Variants in PAH observed in about 807,000 individuals in gnomAD.
PAH encodes phenylalanine-4-hydroxylase.
A neutral mutation model predicts 62.0 loss-of-function variants in PAH; 64 were observed. The observed-to-expected ratio is 1.03, with a 90% confidence interval of 0.84 to 1.27. PAH has a LOEUF of 1.27. PAH is among the 50% of genes most tolerant of loss of function. PAH has a pLI of 0.00. For synonymous variants in PAH, 195 were observed against 196.2 expected (o/e 0.99, Z 0.05); for missense variants, 579 against 542.8 (o/e 1.07, Z -0.66).
In PAH at chr12:102,839,118, A is replaced by G; in HGVS notation, c.*57T>C. ...TTTCGGACTTTTTCTGATGAAAGAAATAGTTGGATCTCCATCAACAGATTC... is the reference window on the plus strand; with the variant it reads ...TTTCGGACTTTTTCTGATGAAAGAAGTAGTTGGATCTCCATCAACAGATTC... On this transcript the variant is annotated 3_prime_UTR_variant, in exon 13 of 13. Transcript: ENST00000553106. 2 of 1,517,106 alleles carry G rather than the reference A, an allele frequency of 1.3e-6. No individual in the cohort carries two copies. Among genetic ancestry groups the G allele is most frequent in the Non-Finnish European group, 1.8e-6 (2 of 1,092,100 alleles). 94.0% of individuals were successfully genotyped at this position (1,517,106 alleles called of 1,614,324 possible). A position where few individuals can be genotyped will look rare whatever the true frequency, so the allele number is the denominator to read the frequency against.
intron 9 of PAH, among the ~76,000 whole-genome samples, chr12:102,845,213 G>C (rs1358246205): frequency 6.6e-6 from 1 of 152,124 alleles, no homozygotes; most frequent in Non-Finnish European, 1.5e-5. Context: ...GTTGAGTGCT[G>C]GCTGAATGTA....
rs114192811 is a variant in PAH, at chr12:102,840,058, T to C, written c.1315+342A>G. 9.5e-3 allele frequency among the ~76,000 whole-genome samples: 1,450 copies of C among 152,132 alleles called. 19 individuals carry two copies. The highest frequency in any genetic ancestry group is 0.033 in the African/African-American group (1,355 of 41,478). On this transcript the variant is annotated intron_variant, in intron 12 of 12. Coordinates refer to ENST00000553106, the MANE Select transcript of PAH (RefSeq NM_000277.3). ...GCCACTGGACAGCTTATAAAGTGGA[T>C]AGAACCAGGCAGAGTGATAACAACT...
intron 1 of PAH, among the ~76,000 whole-genome samples, chr12:102,956,217 G>C (rs771741432): frequency 1.5e-4 from 23 of 152,206 alleles, no homozygotes; most frequent in Non-Finnish European, 2.4e-4. Context: ...CCTCCACTTC[G>C]TTCTGCCTAT....
intron 1 of PAH, among the ~76,000 whole-genome samples, chr12:102,925,470 C>T (rs142574724): frequency 9.2e-5 from 14 of 152,186 alleles, no homozygotes; most frequent in East Asian, 1.9e-4. Flanking sequence ...ATTTTTTTGA[C>T]GTTTCTGTCA....
intron 1 of PAH, among the ~76,000 whole-genome samples, chr12:102,940,673 G>A (rs547431295): frequency 1.3e-5 from 2 of 152,298 alleles, no homozygotes; most frequent in East Asian, 1.9e-4. Context: ...GTGGGATTAT[G>A]TAAACAGACC....
At chr12:102,877,894 T>C (rs1876641385) in intron 3 of PAH, among the ~76,000 whole-genome samples, 1 of 152,150 alleles carries the variant, frequency 6.6e-6, no homozygotes, top group African/African-American at 2.4e-5. Flanking sequence ...CATGTGATCT[T>C]GGCTCACTGA....
At chr12:102,871,886 C>T (rs111689614) in intron 4 of PAH, among the ~76,000 whole-genome samples, 3,182 of 144,022 alleles carry the variant, frequency 0.022, 113 homozygotes, top group African/African-American at 0.069. Flanking sequence ...CATGCCATTG[C>T]ACTCCAGCCT....
At chr12:102,941,875 A>C (rs1208697633) in intron 1 of PAH, among the ~76,000 whole-genome samples, 1 of 152,208 alleles carries the variant, frequency 6.6e-6, no homozygotes, top group Non-Finnish European at 1.5e-5. Context: ...GATAAAACTC[A>C]ACATCCCTTC....
intron 8 of PAH, among the ~76,000 whole-genome samples, chr12:102,850,143 C>A (rs999797150): frequency 6.6e-6 from 1 of 152,188 alleles, no homozygotes; most frequent in African/African-American, 2.4e-5. Context: ...GATTTTAAAA[C>A]TGTCCCAAGC....
chr12:102,899,858 C>CAAAAAAAAAAAA (rs1166069532), intron 2 of PAH, among the ~76,000 whole-genome samples: 3 of 9,538 alleles, frequency 3.1e-4, no homozygotes, highest in African/African-American at 1.0e-3. Flanking sequence ...GACTCCGTCT[C>CAAAAAAAAAAAA]AAAAAAAAAA....
chr12:102,864,162 A>C (rs935960657), intron 5 of PAH, among the ~76,000 whole-genome samples: 2 of 152,166 alleles, frequency 1.3e-5, no homozygotes, highest in East Asian at 3.8e-4. Flanking sequence ...AAAAAGGGGC[A>C]AAGGTATAGG....
chr12:102,932,385 A>C (rs185734999), intron 1 of PAH, among the ~76,000 whole-genome samples: 1 of 152,348 alleles, frequency 6.6e-6, no homozygotes, highest in African/African-American at 2.4e-5. Flanking sequence ...GCTATTCAAT[A>C]AATAAGCACC....
intron 5 of PAH, 30 bp from the exon 6 acceptor site, chr12:102,855,362 A>C: frequency 1.2e-4 from 186 of 1,597,326 alleles, no homozygotes; most frequent in Non-Finnish European, 1.5e-4. Context: ...TAGGTGTCTC[A>C]AGCAGGGCAG....
rs528125124 is a variant in PAH, at chr12:102,894,192, T to G, written c.352+543A>C. Among the ~76,000 whole-genome samples, 7 of 152,316 alleles carry G rather than the reference T, an allele frequency of 4.6e-5. No homozygotes were observed. In the South Asian group the frequency reaches 1.4e-3, roughly 32 times the overall value. On this transcript the variant is annotated intron_variant, in intron 3 of 12. Coordinates refer to ENST00000553106, the MANE Select transcript of PAH (RefSeq NM_000277.3). ...TTCGAGTTATCCCAGCAGTATTTATTGACTAGGAATTCCTTTCTTCATTGC... is the reference window on the plus strand; with the variant it reads ...TTCGAGTTATCCCAGCAGTATTTATGGACTAGGAATTCCTTTCTTCATTGC...
At chr12:102,854,975 C>G (rs1875342166) in intron 6 of PAH, 161 bp downstream of exon 6, 3 of 706,560 alleles carry the variant, frequency 4.2e-6, no homozygotes, top group East Asian at 5.4e-5. Flanking sequence ...GAAGGCAGAG[C>G]ACAGTGAAAT....
chr12:102,954,673 C>T (rs914208998), upstream of PAH, among the ~76,000 whole-genome samples: 1 of 152,066 alleles, frequency 6.6e-6, no homozygotes, highest in Non-Finnish European at 1.5e-5. Context: ...TCTCTCAGGT[C>T]GGGAGGAGGG....
chr12:102,951,222 G>C (rs1431289204), upstream of PAH, among the ~76,000 whole-genome samples: 1 of 152,168 alleles, frequency 6.6e-6, no homozygotes, highest in African/African-American at 2.4e-5. Flanking sequence ...CCCCACCCCG[G>C]GGCGCACTTT....
intron 1 of PAH, among the ~76,000 whole-genome samples, chr12:102,944,556 A>G (rs149185299): frequency 6.6e-6 from 1 of 152,356 alleles, no homozygotes; most frequent in East Asian, 1.9e-4. Flanking sequence ...ATTCTTCAGT[A>G]TGTCTATTGC....
rs7954004 is a variant in PAH, at chr12:102,917,211, G to A, written c.-81C>T. ...TTTGCAAACAGCACGTGGGGCTGAAGGTTTTAACCTCGCACTAGGGAGGAG... is the reference window on the plus strand; with the variant it reads ...TTTGCAAACAGCACGTGGGGCTGAAAGTTTTAACCTCGCACTAGGGAGGAG... On this transcript the variant is annotated 5_prime_UTR_variant, in exon 1 of 13. Transcript: ENST00000553106. The A allele has an allele frequency of 0.015, 18,194 of 1,221,718 alleles. 312 individuals are homozygous for A. The highest frequency in any genetic ancestry group is 0.07 in the African/African-American group (4,715 of 67,566). 75.7% of individuals were successfully genotyped at this position (1,221,718 alleles called of 1,614,324 possible).
Sources: gnomAD v4.1 joint callset for allele counts (sites outside exome capture counted in the v4.1 genomes callset) on GRCh38, gnomAD v4.1.1 for gene constraint, MANE v1.5 for transcripts, NCBI Gene and HGNC (gene_info 2026-07-23, HGNC 2026-07-21) for gene names.